Variants in GLIS3 observed in about 807,000 individuals in gnomAD.
The protein encoded by GLIS3 is zinc finger protein GLIS3.
In GLIS3, 53 loss-of-function variants were observed where a neutral mutation model predicts 78.6. The observed-to-expected ratio is 0.67, with a 90% confidence interval of 0.54 to 0.85. GLIS3 has a LOEUF of 0.85. Among genes scored for constraint, GLIS3 ranks in the 40% least tolerant of loss-of-function variants. The pLI is 0.00. For synonymous variants in GLIS3, 684 were observed against 509.9 expected, an observed-to-expected ratio of 1.34 and a Z score of -4.60; for missense variants, 1,703 against 1,231.1, an observed-to-expected ratio of 1.38 and a Z score of -5.74.
At chr9:4,435,437 C>G in the GLIS3 span, among the ~76,000 whole-genome samples, 1 of 152,160 alleles carries the variant, frequency 6.6e-6, no homozygotes, top group East Asian at 1.9e-4. Context: ...ATGTGGAGCA[C>G]ATTCCTCAGC....
At chr9:4,451,237 CAA>C in the GLIS3 span, among the ~76,000 whole-genome samples, 303 of 152,156 alleles carry the variant, frequency 2.0e-3, 10 homozygotes, top group East Asian at 0.052. Flanking sequence ...CAACAAAGAT[CAA>C]AAGAGACAAA....
chr9:4,468,985 C>T, the GLIS3 span, among the ~76,000 whole-genome samples: 1 of 152,092 alleles, frequency 6.6e-6, no homozygotes, highest in African/African-American at 2.4e-5. Context: ...GATTTGCAAT[C>T]CTAGTCTCTG....
At position 3,851,609 on chromosome 9, in the gene GLIS3, T is replaced by C. The variant is rs146187403; in HGVS notation, c.2473+4400A>G. ...TTTACAAAATGCCGCAACAAAAATA[T>C]AGGGAGAGCACACAATGTCTAGGCT... On this transcript the variant is annotated intron_variant, in intron 9 of 10. Coordinates refer to ENST00000381971, the MANE Select transcript of GLIS3 (RefSeq NM_001042413.2). Among the ~76,000 whole-genome samples, 359 of 152,250 alleles carry C rather than the reference T, an allele frequency of 2.4e-3. 4 individuals are homozygous for C. The highest frequency in any genetic ancestry group is 0.01 in the Middle Eastern group (3 of 294).
intron 2 of GLIS3, among the ~76,000 whole-genome samples, chr9:4,176,674 A>G (rs1816838973): frequency 6.6e-6 from 1 of 152,076 alleles, no homozygotes; most frequent in Non-Finnish European, 1.5e-5. Flanking sequence ...CCCAGGCTAC[A>G]GTGTAATGGT....
At chr9:4,453,977 C>T in the GLIS3 span, among the ~76,000 whole-genome samples, 4 of 151,388 alleles carry the variant, frequency 2.6e-5, no homozygotes, top group Admixed American at 6.6e-5. Context: ...GCACATGTAC[C>T]CTAGAACTTA....
intron 2 of GLIS3, among the ~76,000 whole-genome samples, chr9:4,191,863 G>C (rs1432723829): frequency 6.6e-6 from 1 of 151,874 alleles, no homozygotes; most frequent in Non-Finnish European, 1.5e-5. Context: ...AATGAAGAGA[G>C]AAAGAAAAAT....
At chr9:4,133,747 T>C (rs1484432805) in intron 2 of GLIS3, among the ~76,000 whole-genome samples, 1 of 152,000 alleles carries the variant, frequency 6.6e-6, no homozygotes, top group African/African-American at 2.4e-5. Context: ...ATATGGTACC[T>C]TTCTGATATT....
intron 2 of GLIS3, among the ~76,000 whole-genome samples, chr9:4,272,193 T>C (rs1826574307): frequency 6.6e-6 from 1 of 152,212 alleles, no homozygotes; most frequent in African/African-American, 2.4e-5. Context: ...AAGTTGCGAA[T>C]GGCACTTTTA....
intron 4 of GLIS3, among the ~76,000 whole-genome samples, chr9:4,027,012 GAGA>G (rs1361583955): frequency 6.6e-6 from 1 of 152,160 alleles, no homozygotes; most frequent in Non-Finnish European, 1.5e-5. Context: ...GTGGGAGAGG[GAGA>G]AGGAGAGGGA....
chr9:4,348,429 GC>G (rs1390487006), upstream of GLIS3: 1 of 152,204 alleles, frequency 6.6e-6, no homozygotes, highest in African/African-American at 2.4e-5. Flanking sequence ...GGAGGCAAAA[GC>G]AAAAGAATGC....
intron 4 of GLIS3, chr9:4,305,764 A>G (rs1419468951): frequency 6.6e-6 from 1 of 151,968 alleles, no homozygotes; most frequent in Non-Finnish European, 1.5e-5. Context: ...TGTGGAGAGA[A>G]AAAAAAAGTG....
chr9:4,435,936 C>G, the GLIS3 span, among the ~76,000 whole-genome samples: 27 of 151,770 alleles, frequency 1.8e-4, no homozygotes, highest in African/African-American at 5.3e-4. Flanking sequence ...GTGACAGAGC[C>G]AGACTCCGTC....
intron 4 of GLIS3, among the ~76,000 whole-genome samples, chr9:4,078,289 A>C (rs1009620449): frequency 6.6e-5 from 10 of 152,142 alleles, no homozygotes; most frequent in African/African-American, 2.4e-4. Flanking sequence ...GGAGGTATGG[A>C]GTATCCTGCC....
At chr9:4,070,205 A>C (rs1047731702) in intron 4 of GLIS3, among the ~76,000 whole-genome samples, 2 of 152,118 alleles carry the variant, frequency 1.3e-5, no homozygotes, top group Admixed American at 6.6e-5. Context: ...CGATTCTTCA[A>C]TTAGTTCACC....
chr9:3,995,029 G>T lies in GLIS3; in HGVS notation c.1711-57840C>A, dbSNP rs114360700. Among the ~76,000 whole-genome samples, 238 of 152,260 alleles carry T rather than the reference G, an allele frequency of 1.6e-3. 1 individual carries two copies. Among genetic ancestry groups the T allele is most frequent in the African/African-American group, 5.6e-3 (231 of 41,548 alleles). ...CCAGTTGAGAAGAATCAAAGTATGG[G>T]TCTAGATTTGGATCTGAGTTTAAAC... On this transcript the variant is annotated intron_variant, in intron 4 of 10. Coordinates refer to ENST00000381971, the MANE Select transcript of GLIS3 (RefSeq NM_001042413.2).
intron 4 of GLIS3, among the ~76,000 whole-genome samples, chr9:4,065,102 G>C (rs1469148896): frequency 1.3e-5 from 2 of 152,160 alleles, no homozygotes; most frequent in African/African-American, 2.4e-5. Flanking sequence ...TATAGAGCTG[G>C]CTATTTTTTC....
intron 1 of GLIS3, chr9:4,298,238 C>T (rs1323853594): frequency 6.2e-5 from 19 of 305,524 alleles, no homozygotes; most frequent in Non-Finnish European, 6.5e-5. Flanking sequence ...TCGCAGTCCC[C>T]CCACGCCGGC....
the GLIS3 span, among the ~76,000 whole-genome samples, chr9:4,412,983 C>T: frequency 2.0e-5 from 3 of 152,216 alleles, no homozygotes; most frequent in South Asian, 6.2e-4. Context: ...GCCCTTTCTT[C>T]CAATTACACT....
At chr9:4,471,858 C>G in the GLIS3 span, among the ~76,000 whole-genome samples, 3 of 152,192 alleles carry the variant, frequency 2.0e-5, no homozygotes, top group Non-Finnish European at 4.4e-5. Context: ...ATCTACCCGT[C>G]TGACAGAGGG....
Sources: allele counts gnomAD v4.1 joint callset (sites outside exome capture counted in the v4.1 genomes callset), GRCh38; gene constraint gnomAD v4.1.1; transcripts MANE v1.5; gene names NCBI Gene and HGNC (gene_info 2026-07-23, HGNC 2026-07-21).